DRC11: variants seen among roughly 807,000 people sequenced by gnomAD.
DRC11 encodes dynein regulatory complex subunit 11.
At chr2:236,486,379 T>C in the DRC11 span, among the ~76,000 whole-genome samples, 1 of 152,180 alleles carries the variant, frequency 6.6e-6, no homozygotes, top group African/African-American at 2.4e-5. The surrounding 1 kb of genome is among the most constrained non-coding windows in gnomAD (Gnocchi z 5.7). Flanking sequence ...AAATTGGTGT[T>C]TTAAGCTACT....
the DRC11 span, among the ~76,000 whole-genome samples, chr2:236,466,286 T>C: frequency 9.3e-5 from 14 of 151,038 alleles, no homozygotes; most frequent in Non-Finnish European, 1.3e-4. Context: ...TGAACAAGTA[T>C]AGGACCTACG....
At chr2:236,439,522 A>G in the DRC11 span, among the ~76,000 whole-genome samples, 1 of 152,190 alleles carries the variant, frequency 6.6e-6, no homozygotes, top group Non-Finnish European at 1.5e-5. Context: ...TCAGTCTATC[A>G]TTCAAGTCTT....
At chr2:236,493,757 G>T in the DRC11 span, 4 of 1,574,786 alleles carry the variant, frequency 2.5e-6, no homozygotes, top group Non-Finnish European at 3.5e-6. Context: ...TTGTTAAAAT[G>T]ATATACAAAC....
At chr2:236,336,096 A>G in the DRC11 span, among the ~76,000 whole-genome samples, 4 of 152,188 alleles carry the variant, frequency 2.6e-5, no homozygotes, top group Admixed American at 6.5e-5. The surrounding 1 kb of genome is among the most constrained non-coding windows in gnomAD (Gnocchi z 7.3). Context: ...AAAGATGAAG[A>G]AGGCACTAGA....
the DRC11 span, among the ~76,000 whole-genome samples, chr2:236,439,104 C>T: frequency 4.0e-4 from 60 of 150,382 alleles, no homozygotes; most frequent in African/African-American, 1.3e-3. Context: ...TAAATGCCCA[C>T]AAGAGAAAGC....
the DRC11 span, among the ~76,000 whole-genome samples, chr2:236,357,468 T>G: frequency 1.6e-5 from 2 of 126,682 alleles, no homozygotes; most frequent in South Asian, 2.3e-4. Flanking sequence ...TATTTACATA[T>G]TACATGTATA....
chr2:236,446,133 C>T, the DRC11 span, among the ~76,000 whole-genome samples: 2 of 152,164 alleles, frequency 1.3e-5, no homozygotes, highest in African/African-American at 4.8e-5. This position sits in a 1 kb window ranked among gnomAD's most constrained non-coding sequence, Gnocchi z 6.2. Flanking sequence ...CAGCTGTGTC[C>T]TGGGGCACAA....
chr2:236,498,499 T>C, the DRC11 span, among the ~76,000 whole-genome samples: 2 of 149,790 alleles, frequency 1.3e-5, no homozygotes, highest in African/African-American at 4.9e-5. Context: ...GTGCAGACTG[T>C]GGCCTGGGAG....
chr2:236,326,287 G>A, the DRC11 span, among the ~76,000 whole-genome samples: 1 of 152,118 alleles, frequency 6.6e-6, no homozygotes, highest in Non-Finnish European at 1.5e-5. Context: ...GATACTTACT[G>A]TATTCTTTTT....
the DRC11 span, among the ~76,000 whole-genome samples, chr2:236,347,026 C>T: frequency 6.6e-6 from 1 of 152,172 alleles, no homozygotes. Context: ...ACTGTGCATG[C>T]GGACAGCCCA....
the DRC11 span, among the ~76,000 whole-genome samples, chr2:236,316,145 T>TTCTCTCTCTCTCTCTCTCTCTCTC: frequency 1.1e-3 from 155 of 146,204 alleles, 1 homozygote; most frequent in South Asian, 2.0e-3. This position sits in a 1 kb window ranked among gnomAD's most constrained non-coding sequence, Gnocchi z 6.8. Context: ...ACTTATTTTC[T>TTCTCTCTCTCTCTCTCTCTCTCTC]TCTCTCTCTC....
chr2:236,501,967 C>A, the DRC11 span, among the ~76,000 whole-genome samples: 1 of 152,120 alleles, frequency 6.6e-6, no homozygotes, highest in African/African-American at 2.4e-5. Context: ...CTCCAGACAG[C>A]AACAGTCCAG....
At chr2:236,347,150 G>A in the DRC11 span, among the ~76,000 whole-genome samples, 3 of 152,208 alleles carry the variant, frequency 2.0e-5, no homozygotes, top group African/African-American at 4.8e-5. Flanking sequence ...CCTAGAGCAC[G>A]AGACCTCTCA....
chr2:236,506,873 G>T, the DRC11 span, among the ~76,000 whole-genome samples: 3 of 152,146 alleles, frequency 2.0e-5, no homozygotes, highest in African/African-American at 7.2e-5. This position sits in a 1 kb window ranked among gnomAD's most constrained non-coding sequence, Gnocchi z 4.9. Context: ...TAAATTTCAG[G>T]ACCTAGGTGT....
At chr2:236,439,246 CA>C in the DRC11 span, among the ~76,000 whole-genome samples, 3 of 151,830 alleles carry the variant, frequency 2.0e-5, no homozygotes, top group Admixed American at 6.6e-5. Flanking sequence ...AATAGAGACA[CA>C]AAAAACCCTT....
the DRC11 span, among the ~76,000 whole-genome samples, chr2:236,389,090 C>T: frequency 6.6e-6 from 1 of 152,202 alleles, no homozygotes; most frequent in Non-Finnish European, 1.5e-5. Flanking sequence ...ACATTTAAGT[C>T]TGCAGAGGTT....
At chr2:236,433,718 T>C in the DRC11 span, among the ~76,000 whole-genome samples, 2 of 152,198 alleles carry the variant, frequency 1.3e-5, no homozygotes, top group East Asian at 3.8e-4. Flanking sequence ...AAGGTGATCA[T>C]TTGCCTCTTC....
chr2:236,316,447 G>A, the DRC11 span, among the ~76,000 whole-genome samples: 1 of 152,198 alleles, frequency 6.6e-6, no homozygotes, highest in Non-Finnish European at 1.5e-5. The surrounding 1 kb of genome is among the most constrained non-coding windows in gnomAD (Gnocchi z 6.8). Context: ...ACAGGCATGA[G>A]CCACCGCAAG....
the DRC11 span, among the ~76,000 whole-genome samples, chr2:236,322,229 C>CTTTTTTT: frequency 1.0e-4 from 10 of 98,542 alleles, no homozygotes; most frequent in African/African-American, 1.3e-4. Flanking sequence ...TTTCTTTCCT[C>CTTTTTTT]TTTTTTTTTT....
Sources: allele counts gnomAD v4.1 joint callset (sites outside exome capture counted in the v4.1 genomes callset), GRCh38; gene constraint gnomAD v4.1.1; non-coding constraint Gnocchi (gnomAD v3.1); transcripts MANE v1.5; gene names NCBI Gene and HGNC (gene_info 2026-07-23, HGNC 2026-07-21).